The following ABCC4 variants were observed in gnomAD, a reference collection of about 807,000 sequenced individuals.
ABCC4 encodes ATP-binding cassette sub-family C member 4.
In ABCC4, 102 loss-of-function variants were observed where a neutral mutation model predicts 168.5. The observed-to-expected ratio is 0.61, with a 90% CI of 0.52 to 0.71. ABCC4 has a LOEUF of 0.71. Ranked by LOEUF, ABCC4 falls within the 30% of genes least tolerant of loss-of-function variation. The pLI, the probability that ABCC4 is intolerant of heterozygous loss-of-function variation, is 0.00. For missense variants in ABCC4, 1,402 were observed against 1,605.8 expected (o/e 0.87, Z 2.17); for synonymous variants, 617 against 590.7 (o/e 1.04, Z -0.65).
intron 20 of ABCC4, among the ~76,000 whole-genome samples, chr13:95,087,937 A>C (rs1043860523): frequency 6.6e-6 from 1 of 152,164 alleles, no homozygotes; most frequent in African/African-American, 2.4e-5. Flanking sequence ...TCTGTGTATG[A>C]CAAGATCTAA....
chr13:95,257,392 C>CG (rs2040418045), intron 1 of ABCC4, among the ~76,000 whole-genome samples: 1 of 152,006 alleles, frequency 6.6e-6, no homozygotes, highest in South Asian at 2.1e-4. Context: ...GCACGTAGGC[C>CG]GGGCGCAGCA....
At chr13:95,289,811 G>T (rs2041345879) in intron 1 of ABCC4, among the ~76,000 whole-genome samples, 1 of 152,096 alleles carries the variant, frequency 6.6e-6, no homozygotes, top group East Asian at 1.9e-4. Flanking sequence ...TTAAAATATT[G>T]ATGTGCGGGG....
intron 27 of ABCC4, among the ~76,000 whole-genome samples, chr13:95,048,196 CTT>C (rs1471299726): frequency 1.3e-5 from 2 of 152,144 alleles, no homozygotes; most frequent in South Asian, 2.1e-4. Flanking sequence ...ATATAGAAAA[CTT>C]AATGTTTTCT....
At chr13:95,143,853 C>T (rs2036400148) in intron 19 of ABCC4, among the ~76,000 whole-genome samples, 1 of 152,172 alleles carries the variant, frequency 6.6e-6, no homozygotes. Context: ...GAAGCAGTAA[C>T]ATTTACTACA....
At chr13:95,239,984 C>G (rs542093388) in intron 3 of ABCC4, among the ~76,000 whole-genome samples, 1 of 152,286 alleles carries the variant, frequency 6.6e-6, no homozygotes, top group South Asian at 2.1e-4. Flanking sequence ...CATAACCAGA[C>G]CTAAGCGAGG....
Position 95,020,219 on chromosome 13 carries a change from T to A in ABCC4, c.*1356A>T, listed in dbSNP as rs1200393270. On this transcript the variant is annotated 3_prime_UTR_variant, in exon 31 of 31. Transcript: ENST00000645237. Reference sequence around the variant, plus strand: ...TAAAACATCTGTTGCTCTCTGCTGATGAGCAAAAAACTTGCTATACGAAGG... The same window carrying A: ...TAAAACATCTGTTGCTCTCTGCTGAAGAGCAAAAAACTTGCTATACGAAGG... The A allele has an allele frequency of 6.6e-6, 1 of 152,194 alleles. No individual in the cohort carries two copies. Among genetic ancestry groups the A allele is most frequent in the Non-Finnish European group, 1.5e-5 (1 of 68,032 alleles). The allele number at this position is 152,194 out of a possible 1,614,324, so 9.4% of individuals were successfully genotyped here.
intron 1 of ABCC4, 28 bp downstream of exon 1, chr13:95,301,213 G>A (rs768709819): frequency 2.5e-6 from 4 of 1,571,214 alleles, no homozygotes; most frequent in Admixed American, 3.6e-5. Flanking sequence ...CGGCTGCAGG[G>A]TGACCTGTTT....
At chr13:95,185,119 T>A (rs117356079) in intron 11 of ABCC4, among the ~76,000 whole-genome samples, 2 of 152,194 alleles carry the variant, frequency 1.3e-5, no homozygotes, top group Admixed American at 1.3e-4. Context: ...AATTTTACTT[T>A]AAAAAAGCGA....
chr13:95,213,178 G>A (rs1367110923), intron 4 of ABCC4, among the ~76,000 whole-genome samples: 4 of 151,090 alleles, frequency 2.6e-5, no homozygotes, highest in Non-Finnish European at 4.4e-5. Context: ...CCAGGCTTCT[G>A]CTTCCAACCA....
chr13:95,123,753 C>T lies in ABCC4; in HGVS notation c.2456-7752G>A, dbSNP rs143657188. On this transcript the variant is annotated intron_variant, in intron 19 of 30. Coordinates refer to ENST00000645237, the MANE Select transcript of ABCC4 (RefSeq NM_005845.5). ...AGAGTGACACAACCCGACATGAGCA[C>T]ACACGCAGGTGGCAGAAATAAGAAA... Among the ~76,000 whole-genome samples, 515 of 152,316 alleles carry T rather than the reference C, an allele frequency of 3.4e-3. 2 individuals are homozygous for T. Among genetic ancestry groups the T allele is most frequent in the African/African-American group, 0.012 (490 of 41,572 alleles).
At chr13:95,117,799 G>C (rs2035430947) in intron 19 of ABCC4, among the ~76,000 whole-genome samples, 1 of 150,900 alleles carries the variant, frequency 6.6e-6, no homozygotes, top group African/African-American at 2.4e-5. Context: ...AAAAAGATAG[G>C]CCAGGTATGG....
At chr13:95,141,854 G>A (rs1268182300) in intron 19 of ABCC4, among the ~76,000 whole-genome samples, 1 of 152,188 alleles carries the variant, frequency 6.6e-6, no homozygotes, top group African/African-American at 2.4e-5. Flanking sequence ...TCCTGAACCA[G>A]TCTCCTGAGT....
rs1594313053 is a variant in ABCC4, at chr13:95,214,545, T to C, written c.532-3764A>G. 2.6e-5 allele frequency among the ~76,000 whole-genome samples: 4 copies of C among 151,644 alleles called. No homozygotes were observed. The South Asian group carries it at 8.4e-4, about 32-fold the overall frequency. ...GCAGAAGCTGACACACCAGAAACAA[T>C]GAAAACAAGAAGACAACAGAACAAT... On this transcript the variant is annotated intron_variant, in intron 4 of 30. Transcript: ENST00000645237.
chr13:95,300,652 G>A (rs938662046), intron 1 of ABCC4, among the ~76,000 whole-genome samples: 1 of 152,162 alleles, frequency 6.6e-6, no homozygotes, highest in Admixed American at 6.6e-5. Context: ...ACGGGACGTG[G>A]AGTTGGATCG....
rs2037263741 is a variant in ABCC4, at chr13:95,166,175, C to G, written c.2017G>C (p.Ala673Pro). 6.2e-7 allele frequency: 1 copy of G among 1,614,052 alleles called. No homozygotes were observed. Among genetic ancestry groups the G allele is most frequent in the Non-Finnish European group, 8.5e-7 (1 of 1,179,942 alleles). ...QSSRPSLKDG[A>P]LESQDTENVP... ...GAACTCACATCTTGGCTCTCCAGAG[C>G]ACCATCTTTCAAGGAGGGTCTAGAA... The change falls in exon 15 of 31, where the codon GCT becomes CCT. Residue 673 changes from alanine (A) to proline (P), a missense_variant. Around this residue, in one of 3 missense-constraint regions of ABCC4, gnomAD observed 1,007 missense variants for 1,127.3 expected, o/e 0.89. Coordinates refer to ENST00000645237, the MANE Select transcript of ABCC4 (RefSeq NM_005845.5).
chr13:95,131,802 T>C (rs1266346024), intron 19 of ABCC4, among the ~76,000 whole-genome samples: 1 of 151,666 alleles, frequency 6.6e-6, no homozygotes, highest in Non-Finnish European at 1.5e-5. Context: ...AAATACCAAG[T>C]GTTGGCAGGG....
chr13:95,075,565 C>G lies in ABCC4; in HGVS notation c.2687-14G>C, dbSNP rs2033870363. On this transcript the variant is annotated splice_polypyrimidine_tract_variant and intron_variant, in intron 21 of 30. Transcript: ENST00000645237. The stretch of plus-strand genomic sequence containing the variant: ...CTGGACTCCGAGCTGGGGAAACAGA[C>G]AGAGAAAACAGCTCAGTGAGGCTGG... 6.2e-6 allele frequency: 10 copies of G among 1,613,776 alleles called. No homozygotes were observed. Among genetic ancestry groups the G allele is most frequent in the Non-Finnish European group, 8.5e-6 (10 of 1,179,828 alleles).
intron 1 of ABCC4, among the ~76,000 whole-genome samples, chr13:95,273,292 G>A (rs936370972): frequency 6.6e-6 from 1 of 152,118 alleles, no homozygotes; most frequent in Non-Finnish European, 1.5e-5. Context: ...CTCCCACAAC[G>A]TCAGAGTGAG....
At position 95,261,950 on chromosome 13, in the gene ABCC4, T is replaced by A. The variant is rs76146063; in HGVS notation, c.75-14197A>T. 6.8e-3 allele frequency among the ~76,000 whole-genome samples: 1,030 copies of A among 151,022 alleles called. 29 individuals carry two copies. The East Asian group carries it at 0.086, about 13-fold the overall frequency. On this transcript the variant is annotated intron_variant, in intron 1 of 30. Coordinates refer to ENST00000645237, the MANE Select transcript of ABCC4 (RefSeq NM_005845.5). ...TTCTCTCCACACAAAAAAAAAAAAATTTAATTGGCTGGGCACAGTGGCACA... is the reference window on the plus strand; with the variant it reads ...TTCTCTCCACACAAAAAAAAAAAAAATTAATTGGCTGGGCACAGTGGCACA...
Sources: allele counts gnomAD v4.1 joint callset (sites outside exome capture counted in the v4.1 genomes callset), GRCh38; gene constraint gnomAD v4.1.1; regional missense constraint gnomAD v4.1.1; transcripts MANE v1.5; gene names NCBI Gene and HGNC (gene_info 2026-07-23, HGNC 2026-07-21).